Variants in ZNF100 observed in about 807,000 individuals in gnomAD.
The protein encoded by ZNF100 is zinc finger protein 100 (Y1).
ZNF100 carries 12 observed loss-of-function variants against 15.8 expected under a neutral mutation model. The ratio of observed to expected loss-of-function variants is 0.76; its 90% CI spans 0.49 to 1.23. ZNF100 has a LOEUF of 1.23. Among genes scored for constraint, ZNF100 ranks in the 50% most tolerant of loss-of-function variants. ZNF100 has a pLI of 0.00. For synonymous variants in ZNF100, 226 were observed against 214.8 expected, an observed-to-expected ratio of 1.05 and a Z score of -0.45; for missense variants, 670 against 635.6, an observed-to-expected ratio of 1.05 and a Z score of -0.58.
intron 4 of ZNF100, among the ~76,000 whole-genome samples, chr19:21,731,306 T>C (rs2035914554): frequency 6.8e-6 from 1 of 147,722 alleles, no homozygotes; most frequent in African/African-American, 2.6e-5. Context: ...TCTTTCCTTT[T>C]TTTTTTATTT....
rs200386862 is a variant in ZNF100, at chr19:21,726,662, T to C, written c.*21A>G. On this transcript the variant is annotated 3_prime_UTR_variant, in exon 5 of 5. Transcript: ENST00000358296. ...ATGTTTAGTAAGAGTTGAGGACTGG[T>C]AAAAGGCTTTGCCACATTTTTCACA... 1.3e-6 allele frequency: 2 copies of C among 1,593,966 alleles called. No homozygotes were observed. The highest frequency in any genetic ancestry group is 4.5e-5 in the East Asian group (2 of 44,800).
chr19:21,726,887 A>C lies in ZNF100; in HGVS notation c.1425T>G (p.His475Gln), dbSNP rs772025591. Residue 475 changes from histidine to glutamine, a missense_variant, in exon 5 of 5, where the codon CAT (histidine) becomes CAG (glutamine). By Grantham distance (24) the His-to-Gln change is conservative. Coordinates refer to ENST00000358296, the MANE Select transcript of ZNF100 (RefSeq NM_173531.4). ...GTTTCTCTCCAGTATGAATCATCTTATGTGCAGTTAGTTGTGAGGACCGGT... is the reference window on the plus strand; with the variant it reads ...GTTTCTCTCCAGTATGAATCATCTTCTGTGCAGTTAGTTGTGAGGACCGGT... ...AFNRSSQLTA[H>Q]KMIHTGEKPY... 2 of 1,612,754 alleles carry C rather than the reference A, an allele frequency of 1.2e-6. No individual in the cohort carries two copies. The highest frequency in any genetic ancestry group is 2.2e-5 in the South Asian group (2 of 90,800).
chr19:21,746,963 C>T (rs987574240), intron 2 of ZNF100: 4 of 152,132 alleles, frequency 2.6e-5, no homozygotes, highest in African/African-American at 7.2e-5. Flanking sequence ...CTGCTAGCAC[C>T]ACGCCCACAG....
At chr19:21,748,541 C>T (rs952378409) in intron 2 of ZNF100, among the ~76,000 whole-genome samples, 1 of 152,144 alleles carries the variant, frequency 6.6e-6, no homozygotes, top group Non-Finnish European at 1.5e-5. Context: ...ATTTAAATGA[C>T]TCTTTTAAAG....
intron 2 of ZNF100, among the ~76,000 whole-genome samples, chr19:21,763,835 C>T (rs2036519474): frequency 1.3e-5 from 2 of 152,158 alleles, no homozygotes; most frequent in Admixed American, 1.3e-4. Context: ...AGAAAGCCCT[C>T]GTCTGCCTAA....
intron 4 of ZNF100, among the ~76,000 whole-genome samples, chr19:21,736,929 C>T (rs945678449): frequency 2.6e-5 from 4 of 152,048 alleles, no homozygotes; most frequent in South Asian, 2.1e-4. Context: ...TAAATACCCA[C>T]ATCAAAAAGC....
intron 2 of ZNF100, among the ~76,000 whole-genome samples, chr19:21,755,709 A>T (rs1403316405): frequency 2.0e-5 from 3 of 152,236 alleles, no homozygotes; most frequent in Non-Finnish European, 4.4e-5. Context: ...CAGACTGGAT[A>T]AAGAAAATGT....
intron 2 of ZNF100, chr19:21,751,537 G>C: frequency 8.2e-7 from 1 of 1,219,372 alleles, no homozygotes; most frequent in South Asian, 1.2e-5. Flanking sequence ...CCACTAACTA[G>C]AAAAGGATTG....
At chr19:21,760,691 C>T (rs1359839003) in intron 2 of ZNF100, among the ~76,000 whole-genome samples, 1 of 148,686 alleles carries the variant, frequency 6.7e-6, no homozygotes, top group South Asian at 2.1e-4. Context: ...GATAGGTGTT[C>T]TTAAATGCAA....
chr19:21,742,211 T>C (rs1485550608), intron 4 of ZNF100, among the ~76,000 whole-genome samples: 1 of 150,874 alleles, frequency 6.6e-6, no homozygotes, highest in Non-Finnish European at 1.5e-5. Flanking sequence ...GCAGGAGAAT[T>C]GCTTGAACCC....
In ZNF100 at chr19:21,767,479, T is replaced by G. The variant is rs182119443; in HGVS notation, c.-50A>C. 7,996 of 1,608,236 alleles carry G rather than the reference T, an allele frequency of 5.0e-3. 11 individuals carry two copies. Among genetic ancestry groups the G allele is most frequent in the Non-Finnish European group, 6.0e-3 (7,083 of 1,175,182 alleles). The stretch of plus-strand genomic sequence containing the variant: ...CGTCTTAGCTGTGGATCTCCCAATA[T>G]CTGCAGGTCAGAGGGCCACACAGGC... On this transcript the variant is annotated 5_prime_UTR_variant, in exon 1 of 5. Transcript: ENST00000358296.
At chr19:21,766,779 G>T (rs1329594507) in intron 1 of ZNF100, among the ~76,000 whole-genome samples, 1 of 152,024 alleles carries the variant, frequency 6.6e-6, no homozygotes, top group African/African-American at 2.4e-5. Flanking sequence ...GGATCACGAG[G>T]TCAGGAGTTC....
rs748137733 is a variant in ZNF100 at position 21,726,766 on chromosome 19, C to T, written c.1546G>A (p.Glu516Lys). 1 of 1,612,890 alleles carries T rather than the reference C, an allele frequency of 6.2e-7. No individual in the cohort carries two copies. Among genetic ancestry groups the T allele is most frequent in the Admixed American group, 1.7e-5 (1 of 59,900 alleles). The change falls in exon 5 of 5, where the codon GAA becomes AAA. Residue 516 changes from glutamate (E) to lysine (K), a missense_variant. Glu to Lys is a moderately conservative substitution (Grantham distance 56). Transcript: ENST00000358296. ...TGGTTAAAGTCTTTACCACATTCTT[C>T]CCATTTGTAAGATTTCTCTCCAGTA... is the stretch of plus-strand genomic sequence containing the variant. ...THTGEKSYKW[E>K]ECGKDFNQSL...
intron 2 of ZNF100, among the ~76,000 whole-genome samples, chr19:21,748,964 C>T (rs1019748012): frequency 2.6e-5 from 4 of 152,152 alleles, no homozygotes; most frequent in African/African-American, 9.7e-5. Flanking sequence ...CCTCGGCCTC[C>T]CAAAGTGCTG....
rs1196139145 is a variant in ZNF100 at position 21,726,491 on chromosome 19, G to A, written c.*192C>T. On this transcript the variant is annotated 3_prime_UTR_variant, in exon 5 of 5. Transcript: ENST00000358296. ...ATTTATGTTTTGAAAAGTTTGAGGT[G>A]TTTTCAAAGCACTGTCACATCTTTC... is the stretch of plus-strand genomic sequence containing the variant. 3.6e-6 allele frequency: 2 copies of A among 561,860 alleles called. No individual in the cohort carries two copies. The highest frequency in any genetic ancestry group is 6.9e-5 in the Admixed American group (2 of 28,908). The allele number at this position is 561,860 out of a possible 1,614,324, so 34.8% of individuals were successfully genotyped here. A position where few individuals can be genotyped will look rare whatever the true frequency, so the allele number is the denominator to read the frequency against.
At chr19:21,767,396 T>C (rs772788874) in intron 1 of ZNF100, 31 bp downstream of exon 1, 59 of 1,613,704 alleles carry the variant, frequency 3.7e-5, no homozygotes, top group Admixed American at 6.7e-5. Context: ...CCTTTCGCCG[T>C]CTCTCGGGAT....
chr19:21,751,089 T>C, intron 2 of ZNF100: 1 of 1,437,272 alleles, frequency 7.0e-7, no homozygotes. Flanking sequence ...CAAACCCTTC[T>C]GACCATCCAA....
chr19:21,724,629 TGATG>T lies in ZNF100; in HGVS notation c.*2050_*2053del, dbSNP rs2035741914. ...TAATACAAAGGATAAATACTAGAGG[TGATG>T]GATACCTCATTTACCCTGATGTGAT... On this transcript the variant is annotated 3_prime_UTR_variant, in exon 5 of 5. Coordinates refer to ENST00000358296, the MANE Select transcript of ZNF100 (RefSeq NM_173531.4). The T allele has an allele frequency of 6.6e-6, 1 of 151,810 alleles. No homozygotes were observed. The highest frequency in any genetic ancestry group is 2.4e-5 in the African/African-American group (1 of 41,250). 9.4% of individuals were successfully genotyped at this position (151,810 alleles called of 1,614,324 possible). A position where few individuals can be genotyped will look rare whatever the true frequency, so the allele number is the denominator to read the frequency against.
At chr19:21,738,628 T>C (rs1276218780) in intron 4 of ZNF100, among the ~76,000 whole-genome samples, 2 of 151,970 alleles carry the variant, frequency 1.3e-5, no homozygotes, top group African/African-American at 4.8e-5. Flanking sequence ...GAATGGAAAC[T>C]GGATGTGGTA....
Sources: gnomAD v4.1 joint callset for allele counts (sites outside exome capture counted in the v4.1 genomes callset) on GRCh38, gnomAD v4.1.1 for gene constraint, MANE v1.5 for transcripts, NCBI Gene and HGNC (gene_info 2026-07-23, HGNC 2026-07-21) for gene names.